RMDN2: variants seen among roughly 807,000 people sequenced by gnomAD.
RMDN2 encodes regulator of microtubule dynamics 2, also known as regulator of microtubule dynamics protein 2.
Under a neutral mutation model 52.8 loss-of-function variants are expected in RMDN2, and 61 were observed. The ratio of observed to expected loss-of-function variants is 1.16; its 90% CI spans 0.94 to 1.43. The LOEUF (loss-of-function observed/expected upper bound fraction) is 1.43, where lower values mean the gene tolerates loss of function less well. Among genes scored for constraint, RMDN2 ranks in the 40% most tolerant of loss-of-function variants. RMDN2 has a pLI of 0.00. For missense variants in RMDN2, 592 were observed against 475.3 expected, an observed-to-expected ratio of 1.25 and a Z score of -2.28; for synonymous variants, 180 against 153.1, an observed-to-expected ratio of 1.18 and a Z score of -1.30.
chr2:37,985,657 G>C (rs1246220188), intron 5 of RMDN2, among the ~76,000 whole-genome samples: 1 of 152,090 alleles, frequency 6.6e-6, no homozygotes, highest in Non-Finnish European at 1.5e-5. Context: ...GATATAGAAA[G>C]TATGCTTGTA....
intron 4 of RMDN2, among the ~76,000 whole-genome samples, chr2:37,976,906 G>A (rs908648275): frequency 1.3e-5 from 2 of 151,432 alleles, no homozygotes; most frequent in African/African-American, 4.9e-5. Flanking sequence ...GGGGGATTTG[G>A]CAGGGTCACA....
At chr2:38,010,083 G>T (rs1377269629) in intron 10 of RMDN2, among the ~76,000 whole-genome samples, 3 of 152,150 alleles carry the variant, frequency 2.0e-5, no homozygotes. Flanking sequence ...TTTTGTCTCA[G>T]AGGAGTACCC....
At chr2:38,027,282 C>T (rs1026847155) in intron 10 of RMDN2, 2 of 152,170 alleles carry the variant, frequency 1.3e-5, no homozygotes, top group African/African-American at 4.8e-5. Flanking sequence ...GAAGGTTCAT[C>T]TTGTTTGTTA....
intron 2 of RMDN2, among the ~76,000 whole-genome samples, chr2:37,957,192 C>G (rs1294184083): frequency 6.6e-6 from 1 of 152,142 alleles, no homozygotes; most frequent in East Asian, 1.9e-4. Flanking sequence ...ATTGCTGGGT[C>G]AAATGTATTT....
At chr2:38,005,852 T>G (rs1369652102) in intron 10 of RMDN2, among the ~76,000 whole-genome samples, 4 of 152,246 alleles carry the variant, frequency 2.6e-5, no homozygotes, top group African/African-American at 7.2e-5. Flanking sequence ...CATGTAAGTC[T>G]TTAATCCATC....
chr2:37,972,894 TA>T (rs1213354868), intron 2 of RMDN2, among the ~76,000 whole-genome samples: 2 of 152,220 alleles, frequency 1.3e-5, no homozygotes, highest in Non-Finnish European at 2.9e-5. Context: ...TAAAGAATGT[TA>T]TTGAAGAAGT....
chr2:37,987,913 G>T (rs774863227), intron 5 of RMDN2, among the ~76,000 whole-genome samples: 1 of 152,068 alleles, frequency 6.6e-6, no homozygotes, highest in Non-Finnish European at 1.5e-5. Flanking sequence ...ACAAAAATTA[G>T]CCAGGCATGG....
intron 10 of RMDN2, chr2:38,030,767 C>T (rs1355249183): frequency 2.0e-5 from 3 of 152,196 alleles, no homozygotes; most frequent in Non-Finnish European, 2.9e-5. Flanking sequence ...CTGAAGGTCA[C>T]ACACTTTGTT....
chr2:37,981,728 T>A (rs1307821882), intron 5 of RMDN2, among the ~76,000 whole-genome samples: 1 of 152,106 alleles, frequency 6.6e-6, no homozygotes, highest in African/African-American at 2.4e-5. Flanking sequence ...CATCGTAATA[T>A]ACAAATTCCA....
intron 7 of RMDN2, among the ~76,000 whole-genome samples, chr2:37,996,452 A>G (rs560216452): frequency 6.6e-6 from 1 of 151,750 alleles, no homozygotes. Context: ...TGAGCATGTG[A>G]TGCACACCTG....
downstream of RMDN2, among the ~76,000 whole-genome samples, chr2:38,019,268 G>A (rs901470812): frequency 2.6e-4 from 39 of 152,256 alleles, no homozygotes; most frequent in Admixed American, 1.2e-3. Context: ...CTTCCTTTAC[G>A]AATTATGAGG....
intron 5 of RMDN2, among the ~76,000 whole-genome samples, chr2:37,984,430 T>G (rs1673724428): frequency 6.6e-6 from 1 of 152,218 alleles, no homozygotes; most frequent in Non-Finnish European, 1.5e-5. Flanking sequence ...CAGCTTGTTT[T>G]CACTTTATAG....
chr2:38,004,001 T>C lies in RMDN2; in HGVS notation c.1055T>C (p.Leu352Pro). 1.2e-6 allele frequency: 2 copies of C among 1,612,662 alleles called. No individual in the cohort carries two copies. Among genetic ancestry groups the C allele is most frequent in the Non-Finnish European group, 1.7e-6 (2 of 1,178,834 alleles). ...TTTCTCTCAAATCAGGCTGAAGAACTATGCCCTGGTTATTCTAATCCCAAT... is the reference window on the plus strand; with the variant it reads ...TTTCTCTCAAATCAGGCTGAAGAACCATGCCCTGGTTATTCTAATCCCAAT... Reference protein sequence around the residue: ...ALHNFLKAEELCPGYSNPNYM... With the variant: ...ALHNFLKAEEPCPGYSNPNYM... The change falls in exon 9 of 11, where the codon CTA becomes CCA. Residue 352 changes from leucine (L) to proline (P), a missense_variant. Physicochemically the swap from Leu to Pro is moderately conservative, Grantham distance 98. Coordinates refer to ENST00000354545, the MANE Select transcript of RMDN2 (RefSeq NM_001170791.3).
chr2:38,040,480 G>A (rs1380158486), intron 10 of RMDN2, among the ~76,000 whole-genome samples: 1 of 152,160 alleles, frequency 6.6e-6, no homozygotes, highest in Non-Finnish European at 1.5e-5. Context: ...ACAGCAAGAA[G>A]GTGCCATTTA....
chr2:38,064,030 AGT>A (rs1287733848), intron 10 of RMDN2, among the ~76,000 whole-genome samples: 2 of 152,174 alleles, frequency 1.3e-5, no homozygotes, highest in African/African-American at 4.8e-5. Flanking sequence ...ATATCTATGA[AGT>A]ACACACAATC....
At chr2:38,002,098 C>G (rs1676399037) in intron 8 of RMDN2, among the ~76,000 whole-genome samples, 3 of 152,150 alleles carry the variant, frequency 2.0e-5, no homozygotes. Flanking sequence ...CTTCTAGAAC[C>G]CTTCTCTTTT....
chr2:38,017,122 C>T (rs1678910346), intron 10 of RMDN2, 64 bp from the exon 11 acceptor site: 3 of 1,052,826 alleles, frequency 2.8e-6, no homozygotes, highest in Non-Finnish European at 4.0e-6. Context: ...AAGTCTGTTT[C>T]AGCATGCTAG....
In RMDN2 at chr2:37,929,408, CT is replaced by C; in HGVS notation, c.132del (p.Leu45TrpfsTer8). 6.4e-7 allele frequency: 1 copy of C among 1,551,474 alleles called. No individual in the cohort carries two copies. Among genetic ancestry groups the C allele is most frequent in the Non-Finnish European group, 8.7e-7 (1 of 1,146,732 alleles). ...GCAATGAAGTTACCTGAATTTCTTT[CT>C]CTGGGTAATACATTTAATTCAATAA... Reference protein sequence around the residue: ...GIAMKLPEFLSLGNTFNSITL... With the variant: ...GIAMKLPEFLXLGNTFNSITL... On this transcript the variant is annotated frameshift_variant, in exon 2 of 11. Coordinates refer to ENST00000354545, the MANE Select transcript of RMDN2 (RefSeq NM_001170791.3). LOFTEE classifies it high-confidence loss of function.
At chr2:38,063,974 TTGTGTGTGTGTA>T (rs1682162375) in intron 10 of RMDN2, among the ~76,000 whole-genome samples, 1 of 150,970 alleles carries the variant, frequency 6.6e-6, no homozygotes, top group African/African-American at 2.5e-5. Context: ...TGAATCCTGT[TTGTGTGTGTGTA>T]TGTGTGTGTG....
Sources: gnomAD v4.1 joint callset for allele counts (sites outside exome capture counted in the v4.1 genomes callset) on GRCh38, gnomAD v4.1.1 for gene constraint, MANE v1.5 for transcripts, NCBI Gene and HGNC (gene_info 2026-07-23, HGNC 2026-07-21) for gene names.